SLC16A10: variants seen among roughly 807,000 people sequenced by gnomAD.
The protein encoded by SLC16A10 is solute carrier family 16 member 10, also known as monocarboxylate transporter 10.
In SLC16A10, 27 loss-of-function variants were observed where a neutral mutation model predicts 40.0. The ratio of observed to expected loss-of-function variants is 0.67; its 90% CI spans 0.50 to 0.93. The LOEUF is 0.93. Among genes scored for constraint, SLC16A10 ranks in the 40% least tolerant of loss-of-function variants. The pLI is 0.00. For synonymous variants in SLC16A10, 213 were observed against 249.8 expected (o/e 0.85, Z 1.39); for missense variants, 529 against 658.2 (o/e 0.80, Z 2.15).
At position 111,193,261 on chromosome 6, in the gene SLC16A10, G is replaced by C. The variant is rs939029814; in HGVS notation, c.943-13331G>C. The stretch of plus-strand genomic sequence containing the variant: ...TCTATGCTTTTCTTGTTTTTTTCTA[G>C]CTTTTCTAACCTTGCATTTATTTTC... On this transcript the variant is annotated intron_variant, in intron 3 of 5. Coordinates refer to ENST00000368851, the MANE Select transcript of SLC16A10 (RefSeq NM_018593.5). The C allele has an allele frequency of 3.0e-6, 3 of 984,858 alleles. No homozygotes were observed. In the African/African-American group the frequency reaches 5.3e-5, roughly 17 times the overall value. The allele number at this position is 984,858 out of a possible 1,614,324, so 61.0% of individuals were successfully genotyped here. A position where few individuals can be genotyped will look rare whatever the true frequency, so the allele number is the denominator to read the frequency against.
At chr6:111,109,277 G>A (rs763545565) in intron 1 of SLC16A10, among the ~76,000 whole-genome samples, 2 of 152,044 alleles carry the variant, frequency 1.3e-5, no homozygotes, top group Non-Finnish European at 2.9e-5. Context: ...TCTGCTTTCT[G>A]TCACTATAGC....
At chr6:111,201,933 C>T (rs1172938857) in intron 3 of SLC16A10, among the ~76,000 whole-genome samples, 1 of 152,230 alleles carries the variant, frequency 6.6e-6, no homozygotes, top group Non-Finnish European at 1.5e-5. Context: ...CATTTAACTT[C>T]CTCTGTGGTT....
chr6:111,199,311 T>C (rs541317694), intron 3 of SLC16A10, among the ~76,000 whole-genome samples: 194 of 152,004 alleles, frequency 1.3e-3, no homozygotes, highest in African/African-American at 4.6e-3. Context: ...AACACAAAAT[T>C]AGCTGGGCAT....
chr6:111,165,675 G>A (rs1474877388), intron 1 of SLC16A10, among the ~76,000 whole-genome samples: 1 of 152,080 alleles, frequency 6.6e-6, no homozygotes, highest in Non-Finnish European at 1.5e-5. Context: ...CTGTGTACAA[G>A]GTATTTTCAA....
chr6:111,101,189 C>G (rs902475457), intron 1 of SLC16A10, among the ~76,000 whole-genome samples: 1 of 151,646 alleles, frequency 6.6e-6, no homozygotes, highest in Non-Finnish European at 1.5e-5. Context: ...TGCCGCTACA[C>G]GTAACTAATT....
In SLC16A10 at chr6:111,222,163, G is replaced by T. The variant is rs761042630; in HGVS notation, c.1476G>T (p.Met492Ile). 9 of 1,607,542 alleles carry T rather than the reference G, an allele frequency of 5.6e-6. No homozygotes were observed. The South Asian group carries it at 1.0e-4, about 18-fold the overall frequency. The change falls in exon 6 of 6, where the codon ATG becomes ATT. Residue 492 changes from methionine (M) to isoleucine (I), a missense_variant. Physicochemically the swap from Met to Ile is conservative, Grantham distance 10. Coordinates refer to ENST00000368851, the MANE Select transcript of SLC16A10 (RefSeq NM_018593.5). ...KTTGKEKMEKMLENQNSLLSS... is the reference protein window; with the variant it reads ...KTTGKEKMEKILENQNSLLSS... The stretch of plus-strand genomic sequence containing the variant: ...CTGGAAAAGAAAAGATGGAGAAAAT[G>T]TTGGAAAACCAGAACTCTCTGCTGT...
chr6:111,213,720 G>A (rs1004672806), intron 4 of SLC16A10, among the ~76,000 whole-genome samples: 2 of 152,192 alleles, frequency 1.3e-5, no homozygotes, highest in African/African-American at 4.8e-5. Flanking sequence ...GTAACCATGT[G>A]CCATGGAGAA....
intron 1 of SLC16A10, among the ~76,000 whole-genome samples, chr6:111,153,140 A>G (rs1772203521): frequency 6.6e-6 from 1 of 152,202 alleles, no homozygotes; most frequent in Non-Finnish European, 1.5e-5. Flanking sequence ...ATAGAAGGGC[A>G]TTTTAAATAG....
At chr6:111,188,887 TAAG>T (rs778170231) in intron 3 of SLC16A10, among the ~76,000 whole-genome samples, 9 of 152,222 alleles carry the variant, frequency 5.9e-5, no homozygotes, top group Non-Finnish European at 1.0e-4. Flanking sequence ...TACTAATAGA[TAAG>T]AACATTGAGG....
chr6:111,088,492 A>T (rs1449219029), intron 1 of SLC16A10, among the ~76,000 whole-genome samples: 1 of 152,032 alleles, frequency 6.6e-6, no homozygotes, highest in African/African-American at 2.4e-5. Flanking sequence ...TGACTATGCC[A>T]GTTATGTAGT....
rs182903322 is a variant in SLC16A10 at position 111,138,019 on chromosome 6, A to T, written c.344-34676A>T. Among the ~76,000 whole-genome samples, 420 of 152,322 alleles carry T rather than the reference A, an allele frequency of 2.8e-3. 6 individuals carry two copies. The highest frequency in any genetic ancestry group is 3.9e-3 in the Non-Finnish European group (264 of 68,036). On this transcript the variant is annotated intron_variant, in intron 1 of 5. Transcript: ENST00000368851. ...CCGGCAACGGCTACCCTCTTTGGGTACCCTCCCTTTGTATGGGAGCTCTGT... is the reference window on the plus strand; with the variant it reads ...CCGGCAACGGCTACCCTCTTTGGGTTCCCTCCCTTTGTATGGGAGCTCTGT...
intron 1 of SLC16A10, among the ~76,000 whole-genome samples, chr6:111,117,380 G>A (rs1026431383): frequency 2.0e-5 from 3 of 150,054 alleles, no homozygotes; most frequent in African/African-American, 7.4e-5. Flanking sequence ...AAAAAAAGTG[G>A]GAGGGTCAAA....
intron 1 of SLC16A10, among the ~76,000 whole-genome samples, chr6:111,147,629 CA>C (rs1772102779): frequency 6.6e-6 from 1 of 152,176 alleles, no homozygotes; most frequent in South Asian, 2.1e-4. Context: ...CATGCCTTCT[CA>C]GGGGGAGTGT....
chr6:111,098,922 G>GT (rs921553232), intron 1 of SLC16A10, among the ~76,000 whole-genome samples: 2 of 152,134 alleles, frequency 1.3e-5, no homozygotes, highest in Non-Finnish European at 2.9e-5. Flanking sequence ...AGAGTAAGTT[G>GT]TTTTTTAGGA....
chr6:111,118,938 A>G (rs1244290983), intron 1 of SLC16A10, among the ~76,000 whole-genome samples: 1 of 152,222 alleles, frequency 6.6e-6, no homozygotes, highest in Non-Finnish European at 1.5e-5. Context: ...AAGTAGGAAC[A>G]GGACCAAAAG....
At chr6:111,172,391 T>C (rs1772601945) in intron 1 of SLC16A10, among the ~76,000 whole-genome samples, 1 of 152,224 alleles carries the variant, frequency 6.6e-6, no homozygotes, top group African/African-American at 2.4e-5. Context: ...TGAGTTTTTA[T>C]GGAATCTGAC....
At chr6:111,172,906 A>G in intron 2 of SLC16A10, 67 bp downstream of exon 2, 1 of 1,544,020 alleles carries the variant, frequency 6.5e-7, no homozygotes, top group Middle Eastern at 1.8e-4. Context: ...TTACTTTCAG[A>G]AACTATGCTA....
At chr6:111,181,075 C>T (rs1380864886) in intron 3 of SLC16A10, among the ~76,000 whole-genome samples, 6 of 151,078 alleles carry the variant, frequency 4.0e-5, no homozygotes, top group Non-Finnish European at 7.4e-5. Context: ...ATTAGCTGGA[C>T]GTGATTGCTT....
intron 1 of SLC16A10, among the ~76,000 whole-genome samples, chr6:111,105,279 CAG>C (rs1771263894): frequency 6.6e-6 from 1 of 152,102 alleles, no homozygotes; most frequent in Non-Finnish European, 1.5e-5. Context: ...TATATATTCA[CAG>C]AGTTTAGTAA....
Sources: gnomAD v4.1 joint callset for allele counts (sites outside exome capture counted in the v4.1 genomes callset) on GRCh38, gnomAD v4.1.1 for gene constraint, MANE v1.5 for transcripts, NCBI Gene and HGNC (gene_info 2026-07-23, HGNC 2026-07-21) for gene names.